Variants in G2E3 observed in about 807,000 individuals in gnomAD.
The protein encoded by G2E3 is G2/M phase-specific E3 ubiquitin-protein ligase.
G2E3 carries 35 observed loss-of-function variants against 92.8 expected under a neutral mutation model. That is an observed-to-expected ratio of 0.38 (90% CI 0.29 to 0.50). G2E3 has a LOEUF of 0.50. Ranked by LOEUF, G2E3 falls within the 20% of genes least tolerant of loss-of-function variation. The pLI, the probability that G2E3 is intolerant of heterozygous loss-of-function variation, is 0.94. For synonymous variants in G2E3, 242 were observed against 272.4 expected, an observed-to-expected ratio of 0.89 and a Z score of 1.10; for missense variants, 554 against 823.8, an observed-to-expected ratio of 0.67 and a Z score of 4.01.
chr14:30,591,995 G>C (rs17096931), intron 4 of G2E3, among the ~76,000 whole-genome samples: 2,182 of 152,122 alleles, frequency 0.014, 45 homozygotes, highest in African/African-American at 0.05. Context: ...TTTCAATGAG[G>C]TGTTTATGTA....
chr14:30,596,135 CGTGTGTGTGTGTGTGTGTGT>C (rs59672554), intron 6 of G2E3, among the ~76,000 whole-genome samples: 4,658 of 127,216 alleles, frequency 0.037, 112 homozygotes, highest in Middle Eastern at 0.076. Context: ...GGTGGGTGTG[CGTGTGTGTGTGTGTGTGTGT>C]GTGTGTGTGT....
Position 30,563,787 on chromosome 14 carries a change from T to C in G2E3, c.-5+4515T>C, listed in dbSNP as rs974543477. ...CCAGGCTGAATGCAATGGTGGGATC[T>C]TGACTCACTGCAACCTCCGCCTTCC... On this transcript the variant is annotated intron_variant, in intron 1 of 14. Transcript: ENST00000206595. Among the ~76,000 whole-genome samples the C allele has an allele frequency of 3.3e-5, 5 of 151,584 alleles. No homozygotes were observed. In the East Asian group the frequency reaches 9.7e-4, roughly 29 times the overall value.
At chr14:30,574,156 C>T (rs118133605) in intron 1 of G2E3, among the ~76,000 whole-genome samples, 73 of 152,202 alleles carry the variant, frequency 4.8e-4, no homozygotes, top group Non-Finnish European at 8.5e-4. Context: ...TTTTCTGAAC[C>T]GTTGGAGAGT....
chr14:30,577,548 C>G (rs1285492496), intron 1 of G2E3, among the ~76,000 whole-genome samples: 1 of 152,194 alleles, frequency 6.6e-6, no homozygotes, highest in Non-Finnish European at 1.5e-5. Context: ...GGATTCACTT[C>G]TAACATGGCT....
At position 30,616,446 on chromosome 14, in the gene G2E3, A is replaced by G; in HGVS notation, c.2033A>G (p.Tyr678Cys). 1 of 1,610,026 alleles carries G rather than the reference A, an allele frequency of 6.2e-7. No individual in the cohort carries two copies. Among genetic ancestry groups the G allele is most frequent in the South Asian group, 1.1e-5 (1 of 90,932 alleles). ...NCLAIPITNTYKEFQENMDFT... is the reference protein window; with the variant it reads ...NCLAIPITNTCKEFQENMDFT... The stretch of plus-strand genomic sequence containing the variant: ...TTAGCAATTCCCATCACCAATACAT[A>G]TAAAGAGTTTCAAGAAAATATGGAC... The change falls in exon 15 of 15, where the codon TAT (tyrosine) becomes TGT (cysteine). Residue 678 changes from tyrosine (Y) to cysteine (C), a missense_variant. Tyr to Cys is a radical substitution (Grantham distance 194). Around this residue, in one of 3 missense-constraint regions of G2E3, gnomAD observed 397 missense variants for 560.3 expected, o/e 0.71. Coordinates refer to ENST00000206595, the MANE Select transcript of G2E3 (RefSeq NM_017769.5).
At chr14:30,610,883 G>A (rs1476012150) in intron 12 of G2E3, among the ~76,000 whole-genome samples, 1 of 152,198 alleles carries the variant, frequency 6.6e-6, no homozygotes, top group Admixed American at 6.5e-5. Flanking sequence ...ATGCCCATTT[G>A]CTACTGATCT....
intron 1 of G2E3, among the ~76,000 whole-genome samples, chr14:30,570,733 G>T (rs1879708193): frequency 6.6e-6 from 1 of 152,030 alleles, no homozygotes; most frequent in Non-Finnish European, 1.5e-5. Context: ...TTGAGACATT[G>T]TTGATTGTGA....
At chr14:30,616,181 A>G (rs529023803) in intron 14 of G2E3, 97 bp from the exon 15 acceptor site, 18 of 811,876 alleles carry the variant, frequency 2.2e-5, no homozygotes, top group South Asian at 1.4e-4. Context: ...GCCTTTCAGT[A>G]TTCCAAGTCT....
intron 6 of G2E3, among the ~76,000 whole-genome samples, chr14:30,596,598 C>G (rs944656246): frequency 6.6e-6 from 1 of 152,192 alleles, no homozygotes; most frequent in Non-Finnish European, 1.5e-5. Flanking sequence ...TTTTGCTTTA[C>G]TAACCCTCTG....
At chr14:30,607,041 TAACA>T (rs1881861808) in intron 11 of G2E3, among the ~76,000 whole-genome samples, 1 of 152,128 alleles carries the variant, frequency 6.6e-6, no homozygotes. Flanking sequence ...ATGTTGACTG[TAACA>T]TTATGTCTCA....
At chr14:30,606,861 G>T (rs1366933232) in intron 11 of G2E3, among the ~76,000 whole-genome samples, 1 of 152,090 alleles carries the variant, frequency 6.6e-6, no homozygotes, top group East Asian at 1.9e-4. Flanking sequence ...TTTAATTCAA[G>T]CTCTGACAGT....
rs1302781486 is a variant in G2E3, at chr14:30,605,800, C to G, written c.1306C>G (p.Leu436Val). Reference protein sequence around the residue: ...FEGSLSKNLSLNSQALKENLY... With the variant: ...FEGSLSKNLSVNSQALKENLY... Reference sequence around the variant, plus strand: ...AGGGTCCTTGTCAAAGAACTTGTCTCTAAATTCTCAAGGTAATTATTTTAT... The same window carrying G: ...AGGGTCCTTGTCAAAGAACTTGTCTGTAAATTCTCAAGGTAATTATTTTAT... Residue 436 changes from leucine (L) to valine (V), a missense_variant, in exon 11 of 15, where the codon CTA (leucine) becomes GTA (valine). By Grantham distance (32) the Leu-to-Val change is conservative (BLOSUM62 1). Coordinates refer to ENST00000206595, the MANE Select transcript of G2E3 (RefSeq NM_017769.5). The G allele has an allele frequency of 6.5e-7, 1 of 1,534,388 alleles. No homozygotes were observed. Among genetic ancestry groups the G allele is most frequent in the East Asian group, 2.3e-5 (1 of 44,126 alleles).
rs763654656 is a variant in G2E3, at chr14:30,587,812, G to T, written c.135+997G>T. On this transcript the variant is annotated intron_variant, in intron 3 of 14. Transcript: ENST00000206595. ...AGACAGAGAGAGAGAAATCAAGATG[G>T]AACCATATGACCTAGTCATCACAGC... Among the ~76,000 whole-genome samples the T allele has an allele frequency of 2.6e-5, 4 of 152,124 alleles. No individual in the cohort carries two copies. In the East Asian group the frequency reaches 7.7e-4, roughly 29 times the overall value.
At chr14:30,591,475 A>G (rs924443997) in intron 4 of G2E3, among the ~76,000 whole-genome samples, 2 of 152,168 alleles carry the variant, frequency 1.3e-5, no homozygotes, top group Non-Finnish European at 2.9e-5. Flanking sequence ...TTCTCTCACC[A>G]TTCTGGAGGC....
At chr14:30,589,860 T>A (rs1880909086) in intron 4 of G2E3, among the ~76,000 whole-genome samples, 1 of 152,102 alleles carries the variant, frequency 6.6e-6, no homozygotes, top group Admixed American at 6.6e-5. Flanking sequence ...TATACTTTTT[T>A]ATTCTTATAC....
chr14:30,602,433 A>T (rs1189173165), intron 10 of G2E3, among the ~76,000 whole-genome samples: 1 of 151,970 alleles, frequency 6.6e-6, no homozygotes, highest in African/African-American at 2.4e-5. Context: ...GTACTGAGTA[A>T]TGATGTAAAA....
At chr14:30,568,930 C>T (rs1879596735) in intron 1 of G2E3, among the ~76,000 whole-genome samples, 1 of 152,006 alleles carries the variant, frequency 6.6e-6, no homozygotes, top group Non-Finnish European at 1.5e-5. Flanking sequence ...TGTCTGGTGT[C>T]CCATTAGCAT....
intron 4 of G2E3, among the ~76,000 whole-genome samples, 189 bp from the exon 5 acceptor site, chr14:30,592,134 T>G (rs1362538693): frequency 6.6e-6 from 1 of 152,140 alleles, no homozygotes; most frequent in East Asian, 1.9e-4. Flanking sequence ...GGAGTGAATC[T>G]TTGGTGTCTT....
chr14:30,576,869 T>G (rs2060828742), intron 1 of G2E3, among the ~76,000 whole-genome samples: 1 of 152,192 alleles, frequency 6.6e-6, no homozygotes, highest in African/African-American at 2.4e-5. Context: ...TTCAAGTGCC[T>G]GATTCCAGCA....
Sources: gnomAD v4.1 joint callset for allele counts (sites outside exome capture counted in the v4.1 genomes callset) on GRCh38, gnomAD v4.1.1 for gene constraint, gnomAD v4.1.1 regional missense constraint, MANE v1.5 for transcripts, NCBI Gene and HGNC (gene_info 2026-07-23, HGNC 2026-07-21) for gene names.